GOSR2: variants seen among roughly 807,000 people sequenced by gnomAD.
The protein encoded by GOSR2 is golgi SNAP receptor complex member 2, also known as 27 kDa Golgi SNARE protein.
In GOSR2, 20 loss-of-function variants were observed where a neutral mutation model predicts 27.9. The observed-to-expected ratio is 0.72, with a 90% CI of 0.50 to 1.04. GOSR2 has a LOEUF of 1.04. Among genes scored for constraint, GOSR2 ranks in the 50% least tolerant of loss-of-function variants. GOSR2 has a pLI of 0.00. For missense variants in GOSR2, 261 were observed against 270.5 expected, an observed-to-expected ratio of 0.97 and a Z score of 0.25; for synonymous variants, 91 against 98.8, an observed-to-expected ratio of 0.92 and a Z score of 0.47.
intron 2 of GOSR2, chr17:46,930,337 C>A (rs1362779254): frequency 6.6e-6 from 1 of 152,314 alleles, no homozygotes; most frequent in Non-Finnish European, 1.5e-5. Flanking sequence ...TGGATGCTTT[C>A]TTTTGTGCAC....
At chr17:46,948,811 G>A (rs2090116784) in intron 6 of GOSR2, 1 of 152,332 alleles carries the variant, frequency 6.6e-6, no homozygotes, top group African/African-American at 2.4e-5. Context: ...TCAAGGCTGG[G>A]CTTGGGACTG....
intron 6 of GOSR2, among the ~76,000 whole-genome samples, chr17:46,950,940 C>T (rs1316565522): frequency 6.6e-6 from 1 of 152,156 alleles, no homozygotes; most frequent in Non-Finnish European, 1.5e-5. Context: ...GGGAAGTCAC[C>T]GACTCCCAAT....
Position 46,941,438 on chromosome 17 carries a change from G to T in GOSR2, c.*2678G>T, listed in dbSNP as rs760047379. 9 of 984,446 alleles carry T rather than the reference G, an allele frequency of 9.1e-6. No homozygotes were observed. The highest frequency in any genetic ancestry group is 1.1e-5 in the Non-Finnish European group (9 of 829,158). 61.0% of individuals were successfully genotyped at this position (984,446 alleles called of 1,614,324 possible). Reference sequence around the variant, plus strand: ...CCTTTTTTTATGTTTCTAGGCCAGAGATTCTCAAACACTGCTCCATGGCCA... The same window carrying T: ...CCTTTTTTTATGTTTCTAGGCCAGATATTCTCAAACACTGCTCCATGGCCA... On this transcript the variant is annotated 3_prime_UTR_variant, in exon 6 of 6. Transcript: ENST00000640051.
rs374613085 is a variant in GOSR2 at position 46,935,056 on chromosome 17, G to A, written c.364G>A (p.Glu122Lys). The change falls in exon 5 of 6, where the codon GAA becomes AAA. Residue 122 changes from glutamate (E) to lysine (K), a missense_variant. Physicochemically the swap from Glu to Lys is moderately conservative, Grantham distance 56. Transcript: ENST00000640051. ...CTCTGACACCACCATACCAATGGAC[G>A]AATCACTGCAGTTTAACTCCTCCCT... ...NDSDTTIPMD[E>K]SLQFNSSLQK... 1.6e-5 allele frequency: 25 copies of A among 1,612,384 alleles called. 1 individual carries two copies. Among genetic ancestry groups the A allele is most frequent in the South Asian group, 2.2e-5 (2 of 91,058 alleles).
downstream of GOSR2, among the ~76,000 whole-genome samples, chr17:46,970,924 C>G (rs913598393): frequency 6.6e-6 from 1 of 152,202 alleles, no homozygotes; most frequent in Non-Finnish European, 1.5e-5. Context: ...CTAATTCTAT[C>G]GATCCCTCAA....
At chr17:46,943,981 T>C (rs1451299243), downstream of GOSR2, among the ~76,000 whole-genome samples, 1 of 152,002 alleles carries the variant, frequency 6.6e-6, no homozygotes, top group Non-Finnish European at 1.5e-5. Context: ...AAGAGGGGGC[T>C]CTCGGAGGCT....
At chr17:46,924,657 C>A (rs563770696) in intron 1 of GOSR2, among the ~76,000 whole-genome samples, 7 of 152,236 alleles carry the variant, frequency 4.6e-5, no homozygotes, top group Non-Finnish European at 7.4e-5. Flanking sequence ...TGAGGTGTTT[C>A]ATTTGGACAG....
At chr17:46,952,959 T>G (rs1378401105) in intron 6 of GOSR2, 1 of 152,204 alleles carries the variant, frequency 6.6e-6, no homozygotes, top group Non-Finnish European at 1.5e-5. Flanking sequence ...AGATGCTCGA[T>G]GCAAAGCTGG....
downstream of GOSR2, among the ~76,000 whole-genome samples, chr17:46,970,014 A>G (rs9893713): frequency 0.47 from 70,832 of 152,022 alleles, 16,874 homozygotes; most frequent in South Asian, 0.53. Context: ...GCTCTAGCTG[A>G]CTACAGCTAA....
chr17:46,963,517 C>G (rs915446561), intron 6 of GOSR2, among the ~76,000 whole-genome samples: 3 of 147,928 alleles, frequency 2.0e-5, no homozygotes, highest in Non-Finnish European at 3.0e-5. Flanking sequence ...GCACTCCAGC[C>G]TGGGCGACAG....
rs867280023 is a variant in GOSR2 at position 46,939,316 on chromosome 17, C to T, written c.*556C>T. The T allele has an allele frequency of 9.9e-7, 1 of 1,011,552 alleles. No homozygotes were observed. The highest frequency in any genetic ancestry group is 1.2e-6 in the Non-Finnish European group (1 of 843,422). The allele number at this position is 1,011,552 out of a possible 1,614,324, so 62.7% of individuals were successfully genotyped here. On this transcript the variant is annotated 3_prime_UTR_variant, in exon 6 of 6. Transcript: ENST00000640051. ...CTGACTGCCAATACTTGTCACCATTCCCTGGAAGCAGCTACCTAGGGGAAA... is the reference window on the plus strand; with the variant it reads ...CTGACTGCCAATACTTGTCACCATTTCCTGGAAGCAGCTACCTAGGGGAAA...
In GOSR2 at chr17:46,939,305, T is replaced by A. The variant is rs2088925405; in HGVS notation, c.*545T>A. Reference sequence around the variant, plus strand: ...CATGTAGATGACTGACTGCCAATACTTGTCACCATTCCCTGGAAGCAGCTA... The same window carrying A: ...CATGTAGATGACTGACTGCCAATACATGTCACCATTCCCTGGAAGCAGCTA... On this transcript the variant is annotated 3_prime_UTR_variant, in exon 6 of 6. Coordinates refer to ENST00000640051, the MANE Select transcript of GOSR2 (RefSeq NM_004287.5). 2 of 1,013,318 alleles carry A rather than the reference T, an allele frequency of 2.0e-6. No individual in the cohort carries two copies. Among genetic ancestry groups the A allele is most frequent in the South Asian group, 4.1e-5 (1 of 24,384 alleles). 62.8% of individuals were successfully genotyped at this position (1,013,318 alleles called of 1,614,324 possible). A position where few individuals can be genotyped will look rare whatever the true frequency, so the allele number is the denominator to read the frequency against.
chr17:46,923,912 G>C, intron 1 of GOSR2: 1 of 397,884 alleles, frequency 2.5e-6, no homozygotes, highest in African/African-American at 2.1e-5. Context: ...GGGGGCGGGG[G>C]GCAGAATTAT....
chr17:46,956,446 A>G (rs916299860), intron 6 of GOSR2, among the ~76,000 whole-genome samples: 1 of 151,604 alleles, frequency 6.6e-6, no homozygotes. Flanking sequence ...ATGCACCACC[A>G]TGCCTGGCTA....
rs890769965 is a variant in GOSR2, at chr17:46,962,123, C to T, written c.584-4411C>T. Among the ~76,000 whole-genome samples the T allele has an allele frequency of 9.2e-5, 14 of 152,168 alleles. No individual in the cohort carries two copies. The East Asian group carries it at 2.5e-3, about 27-fold the overall frequency. ...CGGGCAGATCATGAAGTCAGAAGCT[C>T]GAGACCAGTCTGGCCAACATGGTGA... On this transcript the variant is annotated intron_variant, in intron 6 of 6. Coordinates refer to the GOSR2 transcript ENST00000573224.
intron 6 of GOSR2, among the ~76,000 whole-genome samples, chr17:46,956,291 T>A (rs1290560857): frequency 7.2e-6 from 1 of 139,614 alleles, no homozygotes; most frequent in Non-Finnish European, 1.5e-5. Flanking sequence ...TTTTTTTTTT[T>A]TTTTTTTTTT....
At position 46,939,662 on chromosome 17, in the gene GOSR2, G is replaced by C; in HGVS notation, c.*902G>C. ...CCCTTCTCTTCCCTGAAATATATTAGCACCTGCCAGCCAGGCCCTCATTTT... is the reference window on the plus strand; with the variant it reads ...CCCTTCTCTTCCCTGAAATATATTACCACCTGCCAGCCAGGCCCTCATTTT... On this transcript the variant is annotated 3_prime_UTR_variant, in exon 6 of 6. Coordinates refer to ENST00000640051, the MANE Select transcript of GOSR2 (RefSeq NM_004287.5). 1 of 985,582 alleles carries C rather than the reference G, an allele frequency of 1.0e-6. No individual in the cohort carries two copies. The highest frequency in any genetic ancestry group is 1.2e-6 in the Non-Finnish European group (1 of 830,092). The allele number at this position is 985,582 out of a possible 1,614,324, so 61.1% of individuals were successfully genotyped here.
At chr17:46,951,768 CAGAG>C (rs1403951803) in intron 6 of GOSR2, among the ~76,000 whole-genome samples, 5 of 152,164 alleles carry the variant, frequency 3.3e-5, no homozygotes, top group East Asian at 1.9e-4. Flanking sequence ...CAGGTACACT[CAGAG>C]AGGAAAAATG....
rs531208837 is a variant in GOSR2 at position 46,936,574 on chromosome 17, G to GGA, written c.477+1409_477+1410dup. On this transcript the variant is annotated intron_variant, in intron 5 of 5. Transcript: ENST00000640051. The stretch of plus-strand genomic sequence containing the variant: ...ACCTACACCATTCAAAAGGAACATA[G>GGA]GAGAGGGCATGAAGGGGCTAGGCTG... 2.4e-4 allele frequency: 233 copies of GGA among 985,550 alleles called. 2 individuals carry two copies. In the South Asian group the frequency reaches 0.01, roughly 43 times the overall value. 61.1% of individuals were successfully genotyped at this position (985,550 alleles called of 1,614,324 possible). A position where few individuals can be genotyped will look rare whatever the true frequency, so the allele number is the denominator to read the frequency against.
Sources: gnomAD v4.1 joint callset for allele counts (sites outside exome capture counted in the v4.1 genomes callset) on GRCh38, gnomAD v4.1.1 for gene constraint, MANE v1.5 for transcripts, NCBI Gene and HGNC (gene_info 2026-07-23, HGNC 2026-07-21) for gene names.